COL26A1: variants seen among roughly 807,000 people sequenced by gnomAD.
COL26A1 encodes the protein collagen alpha-1(XXVI) chain.
Under a neutral mutation model 59.3 loss-of-function variants are expected in COL26A1, and 41 were observed. The ratio of observed to expected loss-of-function variants is 0.69; its 90% CI spans 0.54 to 0.90. COL26A1 has a LOEUF of 0.90. Among genes scored for constraint, COL26A1 ranks in the 40% least tolerant of loss-of-function variants. The probability of loss-of-function intolerance (pLI) is 0.00; values close to 1 mark genes in which losing one functional copy is unlikely to be tolerated. For missense variants in COL26A1, 612 were observed against 602.3 expected (o/e 1.02, Z -0.17); for synonymous variants, 266 against 256.0 (o/e 1.04, Z -0.37).
intron 1 of COL26A1, among the ~76,000 whole-genome samples, chr7:101,389,874 A>G (rs1791685698): frequency 6.6e-6 from 1 of 151,952 alleles, no homozygotes; most frequent in East Asian, 1.9e-4. Context: ...TTTAGTAGAG[A>G]TGGGGTTTCA....
intron 3 of COL26A1, among the ~76,000 whole-genome samples, chr7:101,515,149 C>A (rs1399855409): frequency 4.6e-5 from 7 of 152,200 alleles, no homozygotes; most frequent in Non-Finnish European, 1.0e-4. Context: ...CAGACAAGAG[C>A]CCCAATTTAG....
chr7:101,533,852 G>A (rs1008389430), intron 4 of COL26A1, among the ~76,000 whole-genome samples: 5 of 152,214 alleles, frequency 3.3e-5, no homozygotes, highest in South Asian at 2.1e-4. Flanking sequence ...ACACTTACCC[G>A]AGGGTACCTC....
intron 2 of COL26A1, among the ~76,000 whole-genome samples, chr7:101,441,283 C>A (rs1361967186): frequency 2.0e-5 from 3 of 152,166 alleles, no homozygotes; most frequent in African/African-American, 7.2e-5. Flanking sequence ...CCACTCAGTA[C>A]ACTGTGAGTC....
chr7:101,537,086 C>G (rs141094373), intron 4 of COL26A1, among the ~76,000 whole-genome samples: 185 of 152,332 alleles, frequency 1.2e-3, no homozygotes, highest in African/African-American at 4.2e-3. Flanking sequence ...GTCACATGTA[C>G]AGAGTCACAA....
intron 1 of COL26A1, among the ~76,000 whole-genome samples, chr7:101,402,271 C>T (rs1792025628): frequency 6.6e-6 from 1 of 152,160 alleles, no homozygotes; most frequent in Non-Finnish European, 1.5e-5. Flanking sequence ...TCAGCAGTCA[C>T]ATTCCTTAGA....
intron 3 of COL26A1, among the ~76,000 whole-genome samples, chr7:101,521,784 TG>T (rs1221463413): frequency 1.3e-5 from 2 of 152,156 alleles, no homozygotes; most frequent in African/African-American, 4.8e-5. Flanking sequence ...CTTTCAACTG[TG>T]ACTCTCCCCA....
chr7:101,377,161 CTTTTCTT>C (rs1044659573), intron 1 of COL26A1, among the ~76,000 whole-genome samples: 28 of 151,324 alleles, frequency 1.9e-4, no homozygotes, highest in South Asian at 1.8e-3. Context: ...GCCTGGCCTT[CTTTTCTT>C]TTTTCTTTTT....
At chr7:101,460,795 AAAAG>A (rs1043745805) in intron 3 of COL26A1, among the ~76,000 whole-genome samples, 11 of 138,404 alleles carry the variant, frequency 7.9e-5, no homozygotes, top group Non-Finnish European at 1.2e-4. Context: ...AGAAAAAAAA[AAAAG>A]AAAGAAAAGA....
At chr7:101,413,194 C>G (rs767506099) in intron 1 of COL26A1, among the ~76,000 whole-genome samples, 2 of 152,218 alleles carry the variant, frequency 1.3e-5, no homozygotes, top group East Asian at 1.9e-4. Flanking sequence ...TGCTCCTCCC[C>G]CTAGGTGAAG....
At position 101,424,560 on chromosome 7, in the gene COL26A1, T is replaced by G. The variant is rs573037589; in HGVS notation, c.281+4461T>G. On this transcript the variant is annotated intron_variant, in intron 2 of 12. Coordinates refer to ENST00000313669, the MANE Select transcript of COL26A1 (RefSeq NM_001278563.3). Reference sequence around the variant, plus strand: ...CTGCACTGAGCCAAGATCATGTTGCTGTACTCCAGCCTGGGTGACAGAGCA... The same window carrying G: ...CTGCACTGAGCCAAGATCATGTTGCGGTACTCCAGCCTGGGTGACAGAGCA... Among the ~76,000 whole-genome samples the G allele has an allele frequency of 7.2e-5, 11 of 152,334 alleles. No homozygotes were observed. The South Asian group carries it at 2.3e-3, about 32-fold the overall frequency.
intron 3 of COL26A1, among the ~76,000 whole-genome samples, chr7:101,459,215 G>A (rs1488407394): frequency 1.3e-5 from 2 of 152,164 alleles, no homozygotes; most frequent in Non-Finnish European, 2.9e-5. Flanking sequence ...CCAGTACAAG[G>A]GACAGGGCCG....
At position 101,471,009 on chromosome 7, in the gene COL26A1, C is replaced by G. The variant is rs144495198; in HGVS notation, c.385+23222C>G. Among the ~76,000 whole-genome samples the G allele has an allele frequency of 5.5e-3, 830 of 152,130 alleles. 5 individuals carry two copies. The highest frequency in any genetic ancestry group is 0.019 in the African/African-American group (805 of 41,506). On this transcript the variant is annotated intron_variant, in intron 3 of 12. Transcript: ENST00000313669. ...CTATCACTCAGGAAATTCCAAGGGT[C>G]TTAGGGGCTCCACGCTAGCAATTTC...
chr7:101,481,742 C>T (rs1430828537), intron 3 of COL26A1, among the ~76,000 whole-genome samples: 1 of 152,052 alleles, frequency 6.6e-6, no homozygotes, highest in Admixed American at 6.6e-5. Context: ...TGAGCCACCC[C>T]ACCCGGCCAA....
Position 101,553,375 on chromosome 7 carries a change from A to G in COL26A1, c.1079A>G (p.Glu360Gly). The change falls in exon 11 of 13, where the codon GAG becomes GGG. Residue 360 changes from glutamate (E) to glycine (G), a missense_variant and splice_region_variant. Glu to Gly is a moderately conservative substitution (Grantham distance 98). Transcript: ENST00000313669. ...GEEGEKAATA[E>G]GEGVQQLREA... ...GAAGGAGAGAAAGCCGCCACTGCAG[A>G]GGTAACCATGGCTGCCCTTCACGTT... The G allele has an allele frequency of 6.2e-7, 1 of 1,613,656 alleles. No homozygotes were observed.
chr7:101,377,701 A>T (rs1022012809), intron 1 of COL26A1, among the ~76,000 whole-genome samples: 1 of 152,174 alleles, frequency 6.6e-6, no homozygotes, highest in African/African-American at 2.4e-5. Flanking sequence ...TGCTGGAATT[A>T]CAGGTAGGAG....
intron 2 of COL26A1, among the ~76,000 whole-genome samples, chr7:101,429,632 G>A (rs146671541): frequency 0.023 from 2,391 of 103,338 alleles, 31 homozygotes; most frequent in Middle Eastern, 0.061. Context: ...TTGCTCTGTC[G>A]CCCAGGCTGG....
chr7:101,369,235 C>T (rs1020800839), intron 1 of COL26A1, among the ~76,000 whole-genome samples: 3 of 151,728 alleles, frequency 2.0e-5, no homozygotes, highest in Admixed American at 2.0e-4. Context: ...GGTGAAACCC[C>T]TTCTCTACTA....
intron 3 of COL26A1, among the ~76,000 whole-genome samples, chr7:101,522,821 TA>T (rs34459389): frequency 0.27 from 39,562 of 144,470 alleles, 5,187 homozygotes; most frequent in Middle Eastern, 0.35. Context: ...AATACTTGGT[TA>T]AAAAAAAAAA....
At position 101,540,049 on chromosome 7, in the gene COL26A1, G is replaced by C. The variant is rs201464621; in HGVS notation, c.604G>C (p.Gly202Arg). 1 of 1,610,782 alleles carries C rather than the reference G, an allele frequency of 6.2e-7. No individual in the cohort carries two copies. The highest frequency in any genetic ancestry group is 2.2e-5 in the East Asian group (1 of 44,808). ...ACAGAGAAGGCCCACGGGCCCAGCCGGTGAGTGAGGGCTGCAGAGAGGACA... is the reference window on the plus strand; with the variant it reads ...ACAGAGAAGGCCCACGGGCCCAGCCCGTGAGTGAGGGCTGCAGAGAGGACA... ...PRQRRPTGPAGPPGQTGPPGP... is the reference protein window; with the variant it reads ...PRQRRPTGPARPPGQTGPPGP... The change falls in exon 5 of 13, where the codon GGG becomes CGG. Residue 202 changes from glycine to arginine, a missense_variant and splice_region_variant. By Grantham distance (125) the Gly-to-Arg change is moderately radical. Transcript: ENST00000313669.
Sources: gnomAD v4.1 joint callset for allele counts (sites outside exome capture counted in the v4.1 genomes callset) on GRCh38, gnomAD v4.1.1 for gene constraint, MANE v1.5 for transcripts, NCBI Gene and HGNC (gene_info 2026-07-23, HGNC 2026-07-21) for gene names.